The following WDR70 variants were observed in gnomAD, a reference collection of about 807,000 sequenced individuals.
WDR70 encodes WD repeat domain 70.
WDR70 carries 53 observed loss-of-function variants against 88.6 expected under a neutral mutation model. The observed-to-expected ratio is 0.60, with a 90% confidence interval of 0.48 to 0.75. WDR70 has a LOEUF of 0.75. Among genes scored for constraint, WDR70 ranks in the 30% least tolerant of loss-of-function variants. WDR70 has a pLI of 0.00. For missense variants in WDR70, 610 were observed against 823.2 expected (o/e 0.74, Z 3.17); for synonymous variants, 280 against 270.0 (o/e 1.04, Z -0.36).
intron 9 of WDR70, among the ~76,000 whole-genome samples, chr5:37,596,424 T>C (rs2112458822): frequency 6.6e-6 from 1 of 152,322 alleles, no homozygotes; most frequent in African/African-American, 2.4e-5. Flanking sequence ...TTAGATGTGA[T>C]TAAATGTGGC....
At chr5:37,525,963 A>G (rs1391456268) in intron 9 of WDR70, among the ~76,000 whole-genome samples, 1 of 152,218 alleles carries the variant, frequency 6.6e-6, no homozygotes, top group Non-Finnish European at 1.5e-5. Context: ...TAGAGCAATA[A>G]CAGTTTCTGA....
chr5:37,533,531 G>C (rs1741565790), intron 9 of WDR70, among the ~76,000 whole-genome samples: 1 of 146,754 alleles, frequency 6.8e-6, no homozygotes, highest in South Asian at 2.3e-4. Context: ...TAAGTATTCA[G>C]GTTTTTCAGG....
chr5:37,582,757 G>A (rs1441434729), intron 9 of WDR70, among the ~76,000 whole-genome samples: 1 of 152,202 alleles, frequency 6.6e-6, no homozygotes, highest in Non-Finnish European at 1.5e-5. Flanking sequence ...CCTAATGGTG[G>A]AGCTGTAAGC....
intron 17 of WDR70, among the ~76,000 whole-genome samples, chr5:37,746,672 A>T (rs1485898269): frequency 6.6e-6 from 1 of 152,242 alleles, no homozygotes; most frequent in East Asian, 1.9e-4. Flanking sequence ...AATCTAGAAG[A>T]AATGGACAAA....
intron 9 of WDR70, among the ~76,000 whole-genome samples, chr5:37,576,494 A>G (rs971453024): frequency 2.4e-4 from 36 of 152,324 alleles, no homozygotes; most frequent in African/African-American, 8.4e-4. Context: ...CAATACAAAA[A>G]TGAATAATTA....
At chr5:37,681,373 A>T (rs1231843304) in intron 10 of WDR70, among the ~76,000 whole-genome samples, 1 of 152,176 alleles carries the variant, frequency 6.6e-6, no homozygotes, top group Non-Finnish European at 1.5e-5. Flanking sequence ...GTTGTCTGCA[A>T]ACAGGGATAA....
At chr5:37,530,603 A>C (rs1741451326) in intron 9 of WDR70, among the ~76,000 whole-genome samples, 1 of 149,120 alleles carries the variant, frequency 6.7e-6, no homozygotes, top group Admixed American at 6.6e-5. Flanking sequence ...AGGTGTTCAT[A>C]GTAGCCTTGA....
intron 10 of WDR70, among the ~76,000 whole-genome samples, chr5:37,695,104 T>C (rs865887729): frequency 2.0e-5 from 3 of 152,072 alleles, no homozygotes; most frequent in African/African-American, 7.2e-5. Context: ...CTCAGGAAAC[T>C]TACAGTCTTG....
intron 6 of WDR70, among the ~76,000 whole-genome samples, chr5:37,441,364 A>G (rs1220954152): frequency 6.6e-6 from 1 of 152,120 alleles, no homozygotes; most frequent in Non-Finnish European, 1.5e-5. Flanking sequence ...CATAAGTATT[A>G]TTATTTATGT....
At chr5:37,439,648 C>A (rs1241586534) in intron 6 of WDR70, among the ~76,000 whole-genome samples, 1 of 134,286 alleles carries the variant, frequency 7.4e-6, no homozygotes, top group Non-Finnish European at 1.6e-5. Flanking sequence ...TTTTTGCAAT[C>A]CTGCCTTTGT....
chr5:37,582,569 C>T (rs2112428603), intron 9 of WDR70, among the ~76,000 whole-genome samples: 1 of 152,338 alleles, frequency 6.6e-6, no homozygotes, highest in South Asian at 2.1e-4. Flanking sequence ...TCTGCTACTA[C>T]TAACTGTGTC....
chr5:37,736,463 A>G (rs1748307077), intron 17 of WDR70, among the ~76,000 whole-genome samples: 1 of 152,216 alleles, frequency 6.6e-6, no homozygotes, highest in Non-Finnish European at 1.5e-5. Flanking sequence ...TATTTGTGTC[A>G]GGAAGAATCA....
intron 3 of WDR70, among the ~76,000 whole-genome samples, chr5:37,384,619 C>T (rs1384715479): frequency 1.5e-5 from 2 of 135,124 alleles, no homozygotes; most frequent in East Asian, 4.4e-4. Context: ...GAGATCTTGC[C>T]ACTGCACTCC....
intron 7 of WDR70, among the ~76,000 whole-genome samples, chr5:37,446,521 G>A (rs1265846700): frequency 6.6e-6 from 1 of 152,158 alleles, no homozygotes; most frequent in South Asian, 2.1e-4. Flanking sequence ...GAGGCATCAT[G>A]CTACCTGACT....
chr5:37,446,220 T>C (rs1350942874), intron 7 of WDR70, among the ~76,000 whole-genome samples: 5 of 152,118 alleles, frequency 3.3e-5, no homozygotes, highest in Non-Finnish European at 2.9e-5. Context: ...TACCTAGGAA[T>C]GCAACTTACA....
chr5:37,738,477 G>C (rs918321665), intron 17 of WDR70, among the ~76,000 whole-genome samples: 2 of 152,202 alleles, frequency 1.3e-5, no homozygotes, highest in African/African-American at 4.8e-5. Context: ...TTACAGTGAA[G>C]ACGACTTCAC....
At chr5:37,545,488 A>G (rs911931835) in intron 9 of WDR70, among the ~76,000 whole-genome samples, 1 of 151,714 alleles carries the variant, frequency 6.6e-6, no homozygotes, top group Non-Finnish European at 1.5e-5. Flanking sequence ...TTTTGAAGCC[A>G]TAAGTGTGCT....
intron 10 of WDR70, among the ~76,000 whole-genome samples, chr5:37,676,636 C>G (rs886342730): frequency 2.0e-5 from 3 of 151,918 alleles, no homozygotes; most frequent in African/African-American, 7.3e-5. Flanking sequence ...TTCGGTTTGC[C>G]AGTATTTTAT....
At chr5:37,586,897 C>T (rs903635642) in intron 9 of WDR70, among the ~76,000 whole-genome samples, 1 of 152,144 alleles carries the variant, frequency 6.6e-6, no homozygotes, top group African/African-American at 2.4e-5. Context: ...ACCTGAATGT[C>T]ACACAGCTCT....
Sources: allele counts gnomAD v4.1 joint callset (sites outside exome capture counted in the v4.1 genomes callset), GRCh38; gene constraint gnomAD v4.1.1; transcripts MANE v1.5; gene names NCBI Gene and HGNC (gene_info 2026-07-23, HGNC 2026-07-21).